AZIN2: variants seen among roughly 807,000 people sequenced by gnomAD.
AZIN2 encodes the protein ODC antizyme inhibitor-2.
Under a neutral mutation model 47.8 loss-of-function variants are expected in AZIN2, and 28 were observed. The observed-to-expected ratio is 0.59, with a 90% CI of 0.43 to 0.80. The LOEUF (loss-of-function observed/expected upper bound fraction) is 0.80. Among genes scored for constraint, AZIN2 ranks in the 30% least tolerant of loss-of-function variants. AZIN2 has a pLI of 0.00. For synonymous variants in AZIN2, 221 were observed against 239.4 expected (o/e 0.92, Z 0.71); for missense variants, 535 against 582.5 (o/e 0.92, Z 0.84).
the AZIN2 span, among the ~76,000 whole-genome samples, chr1:33,155,133 G>A: frequency 1.1e-4 from 17 of 148,162 alleles, no homozygotes; most frequent in Admixed American, 4.7e-4. Context: ...GTGCAGTGGC[G>A]CGATCTCGGC....
In AZIN2 at chr1:33,120,764, G is replaced by A. The variant is rs1028151097; in HGVS notation, c.*582G>A. 6.6e-6 allele frequency among the ~76,000 whole-genome samples: 1 copy of A among 152,238 alleles called. No individual in the cohort carries two copies. Among genetic ancestry groups the A allele is most frequent in the Non-Finnish European group, 1.5e-5 (1 of 68,046 alleles). The stretch of plus-strand genomic sequence containing the variant: ...GTCAGGGACTGAGATGGGCAGTTAC[G>A]TAGCTCATAACTGGTGAATGGCCTT... On this transcript the variant is annotated 3_prime_UTR_variant, in exon 12 of 12. Coordinates refer to ENST00000294517, the MANE Select transcript of AZIN2 (RefSeq NM_052998.4).
At chr1:33,165,458 C>T in the AZIN2 span, 2 of 1,580,926 alleles carry the variant, frequency 1.3e-6, no homozygotes, top group South Asian at 1.1e-5. The surrounding 1 kb of genome is among the most constrained non-coding windows in gnomAD (Gnocchi z 4.0). Flanking sequence ...CTCCGCGCCC[C>T]GGCCAGGCTC....
At chr1:33,082,034 T>C in intron 3 of AZIN2, 144 bp from the exon 4 acceptor site, 1 of 569,844 alleles carries the variant, frequency 1.8e-6, no homozygotes, top group Non-Finnish European at 3.2e-6. Flanking sequence ...CCGGGATTCT[T>C]GACTTTCTCC....
chr1:33,086,078 G>C (rs757286347), intron 5 of AZIN2, among the ~76,000 whole-genome samples: 1 of 152,204 alleles, frequency 6.6e-6, no homozygotes, highest in Non-Finnish European at 1.5e-5. Context: ...AGGTGTTAAG[G>C]CTGAGAGAGA....
Position 33,120,155 on chromosome 1 carries a change from T to A in AZIN2, c.1356T>A (p.Pro452=). Residue 452 remains proline, a synonymous_variant, in exon 12 of 12, where the codon CCT becomes CCA. Coordinates refer to ENST00000294517, the MANE Select transcript of AZIN2 (RefSeq NM_052998.4). ...TCACAGACACCCTGTGCGTGGGCCC[T>A]GTCTTCACCCCAGCGAGCATCATGT... ...WEITDTLCVG[P]VFTPASIM The A allele has an allele frequency of 1.2e-6, 2 of 1,612,104 alleles. No homozygotes were observed. Among genetic ancestry groups the A allele is most frequent in the South Asian group, 2.2e-5 (2 of 91,062 alleles).
chr1:33,096,659 A>T (rs749121586), intron 8 of AZIN2, 48 bp from the exon 9 acceptor site: 1 of 1,604,468 alleles, frequency 6.2e-7, no homozygotes, highest in Non-Finnish European at 8.5e-7. Context: ...TTCAGCATAA[A>T]GCCCACATTT....
intron 10 of AZIN2, chr1:33,101,761 TG>T (rs1167407178): frequency 2.8e-6 from 2 of 714,126 alleles, no homozygotes; most frequent in Non-Finnish European, 5.2e-6. Flanking sequence ...TTATTATATT[TG>T]TTTTTTTGCT....
chr1:33,096,337 C>T (rs1272518756), intron 8 of AZIN2, among the ~76,000 whole-genome samples: 1 of 152,088 alleles, frequency 6.6e-6, no homozygotes, highest in African/African-American at 2.4e-5. Flanking sequence ...CATAAGTGGA[C>T]CCACACGGTT....
the AZIN2 span, among the ~76,000 whole-genome samples, chr1:33,150,481 A>G: frequency 6.6e-6 from 1 of 152,198 alleles, no homozygotes; most frequent in Non-Finnish European, 1.5e-5. Flanking sequence ...TTAGTTTTGC[A>G]TTTTACCCTC....
intron 5 of AZIN2, among the ~76,000 whole-genome samples, chr1:33,085,368 G>T (rs1569877244): frequency 6.6e-6 from 1 of 152,148 alleles, no homozygotes. Context: ...CCAGGGAATG[G>T]TTCACTGAGA....
the AZIN2 span, among the ~76,000 whole-genome samples, chr1:33,151,701 C>T: frequency 1.3e-5 from 2 of 152,184 alleles, no homozygotes; most frequent in African/African-American, 2.4e-5. Flanking sequence ...TGAGGCAGCC[C>T]GTCTGGTCTC....
chr1:33,158,122 A>AACAC, the AZIN2 span: 1 of 736,582 alleles, frequency 1.4e-6, no homozygotes, highest in Non-Finnish European at 2.3e-6. Flanking sequence ...CAGGTCCTGG[A>AACAC]ACACACTAGG....
rs1182304191 is a variant in AZIN2 at position 33,092,084 on chromosome 1, C to G, written c.314C>G (p.Pro105Arg). Residue 105 changes from proline (P) to arginine (R), a missense_variant, in exon 6 of 12, where the codon CCT (proline) becomes CGT (arginine). Transcript: ENST00000294517. ...EMELVQHIGI[P>R]ASKIICANPC... The stretch of plus-strand genomic sequence containing the variant: ...GAGTTGGTCCAGCATATTGGAATCC[C>G]TGCCAGTAAGATCATCTGCGCCAAC... 1.2e-6 allele frequency: 2 copies of G among 1,614,168 alleles called. No individual in the cohort carries two copies. The highest frequency in any genetic ancestry group is 1.7e-6 in the Non-Finnish European group (2 of 1,180,000).
chr1:33,139,021 G>T, the AZIN2 span, among the ~76,000 whole-genome samples: 1 of 152,226 alleles, frequency 6.6e-6, no homozygotes, highest in Non-Finnish European at 1.5e-5. Context: ...GACTCGCACT[G>T]ACTGTTAATA....
the AZIN2 span, among the ~76,000 whole-genome samples, chr1:33,136,232 TCTTTCTTTTC>T: frequency 6.6e-6 from 1 of 150,920 alleles, no homozygotes; most frequent in Admixed American, 6.6e-5. Context: ...CCTTTCTTTC[TCTTTCTTTTC>T]CTTTCTCTCT....
At chr1:33,118,164 GA>G in intron 11 of AZIN2, 48 bp downstream of exon 11, 1 of 1,476,908 alleles carries the variant, frequency 6.8e-7, no homozygotes, top group Non-Finnish European at 9.0e-7. Context: ...GAACTGGGCA[GA>G]AACGAGGGAA....
chr1:33,108,895 C>T (rs1275870229), intron 10 of AZIN2, among the ~76,000 whole-genome samples: 1 of 152,180 alleles, frequency 6.6e-6, no homozygotes, highest in East Asian at 1.9e-4. Flanking sequence ...CTAAGGAGTA[C>T]AATTGCTGGA....
chr1:33,158,345 G>A, the AZIN2 span: 1 of 1,613,760 alleles, frequency 6.2e-7, no homozygotes, highest in African/African-American at 1.3e-5. Flanking sequence ...TGTGAGGTTG[G>A]TCTCATGGAT....
At chr1:33,158,041 C>T in the AZIN2 span, among the ~76,000 whole-genome samples, 1 of 152,298 alleles carries the variant, frequency 6.6e-6, no homozygotes, top group South Asian at 2.1e-4. Context: ...AGGTGTGAGC[C>T]ACCACGCCCA....
Sources: allele counts gnomAD v4.1 joint callset (sites outside exome capture counted in the v4.1 genomes callset), GRCh38; gene constraint gnomAD v4.1.1; non-coding constraint Gnocchi (gnomAD v3.1); transcripts MANE v1.5; gene names NCBI Gene and HGNC (gene_info 2026-07-23, HGNC 2026-07-21).